Variants in ZFAND2A observed in about 807,000 individuals in gnomAD.
ZFAND2A encodes the protein AN1-type zinc finger protein 2A.
Under a neutral mutation model 11.6 loss-of-function variants are expected in ZFAND2A, and 20 were observed. The ratio of observed to expected loss-of-function variants is 1.72; its 90% CI spans 1.21 to 2.50. The LOEUF is 2.50. Among genes scored for constraint, ZFAND2A ranks in the 30% most tolerant of loss-of-function variants. The pLI is 0.00. For synonymous variants in ZFAND2A, 93 were observed against 60.6 expected, an observed-to-expected ratio of 1.54 and a Z score of -2.48; for missense variants, 234 against 182.9, an observed-to-expected ratio of 1.28 and a Z score of -1.61.
chr7:1,157,527 C>G (rs1793557643), intron 3 of ZFAND2A, 129 bp downstream of exon 3: 1 of 933,438 alleles, frequency 1.1e-6, no homozygotes, highest in South Asian at 1.6e-5. Context: ...GCTAGTGGGA[C>G]TGAAAAACTG....
downstream of ZFAND2A, among the ~76,000 whole-genome samples, chr7:1,152,613 GTCACGACTGTGGGA>G (rs989137128): frequency 1.3e-5 from 2 of 152,170 alleles, no homozygotes; most frequent in African/African-American, 4.8e-5. Context: ...CTTTTCAGAG[GTCACGACTGTGGGA>G]TCACATGACC....
chr7:1,150,043 G>C (rs936496696), downstream of ZFAND2A, among the ~76,000 whole-genome samples: 8 of 151,842 alleles, frequency 5.3e-5, no homozygotes, highest in African/African-American at 1.9e-4. Flanking sequence ...AGTAGGGACA[G>C]GGTTTCATCA....
chr7:1,156,125 TA>T, intron 3 of ZFAND2A, among the ~76,000 whole-genome samples: 1 of 119,330 alleles, frequency 8.4e-6, no homozygotes, highest in African/African-American at 4.3e-5. Flanking sequence ...CCAGCAAGGC[TA>T]AAAACCTGAG....
downstream of ZFAND2A, among the ~76,000 whole-genome samples, chr7:1,149,162 A>T (rs566288474): frequency 1.3e-5 from 2 of 152,310 alleles, no homozygotes; most frequent in African/African-American, 4.8e-5. Context: ...AAAAATTAAA[A>T]ACATTTTTTC....
downstream of ZFAND2A, among the ~76,000 whole-genome samples, chr7:1,149,841 G>C (rs1563157848): frequency 6.6e-6 from 1 of 150,788 alleles, no homozygotes; most frequent in Non-Finnish European, 1.5e-5. Flanking sequence ...AGGGTGACTA[G>C]CTTGTTCTTA....
At chr7:1,155,315 G>A in intron 4 of ZFAND2A, 138 bp downstream of exon 4, 1 of 1,228,844 alleles carries the variant, frequency 8.1e-7, no homozygotes, top group East Asian at 2.9e-5. Context: ...TTTAGGACAG[G>A]GATAACGCAG....
At position 1,153,058 on chromosome 7, in the gene ZFAND2A, G is replaced by A. The variant is rs371686813; in HGVS notation, c.*11C>T. ...ACTGCGTGCTCCGAGCCATCGCAGCGGAGTCTCTTCTCACCCAGCTTTGAT... is the reference window on the plus strand; with the variant it reads ...ACTGCGTGCTCCGAGCCATCGCAGCAGAGTCTCTTCTCACCCAGCTTTGAT... On this transcript the variant is annotated 3_prime_UTR_variant, in exon 5 of 5. Coordinates refer to ENST00000316495, the MANE Select transcript of ZFAND2A (RefSeq NM_182491.4). 57 of 1,614,104 alleles carry A rather than the reference G, an allele frequency of 3.5e-5. No homozygotes were observed. Among genetic ancestry groups the A allele is most frequent in the East Asian group, 2.5e-4 (11 of 44,890 alleles).
chr7:1,153,838 T>G (rs971870611), intron 4 of ZFAND2A, among the ~76,000 whole-genome samples: 9 of 151,880 alleles, frequency 5.9e-5, no homozygotes, highest in African/African-American at 2.2e-4. Flanking sequence ...CCCAGCTACT[T>G]GGGAGGCTGA....
chr7:1,157,863 T>G (rs1202256947), intron 2 of ZFAND2A, 113 bp from the exon 3 acceptor site: 49 of 779,670 alleles, frequency 6.3e-5, no homozygotes, highest in Non-Finnish European at 9.1e-5. Context: ...GATGGACAGG[T>G]CCTCGAGGGC....
chr7:1,158,391 T>TA (rs1793583632), intron 1 of ZFAND2A, 134 bp from the exon 2 acceptor site: 3 of 598,392 alleles, frequency 5.0e-6, no homozygotes, highest in Middle Eastern at 2.7e-4. Context: ...TTAGTACAAA[T>TA]ACCAGGTGTC....
downstream of ZFAND2A, among the ~76,000 whole-genome samples, chr7:1,150,367 C>T (rs1341214867): frequency 6.6e-6 from 1 of 151,558 alleles, no homozygotes; most frequent in Non-Finnish European, 1.5e-5. Flanking sequence ...ACTGTCTCAG[C>T]GGGACATCTG....
chr7:1,155,437 C>T lies in ZFAND2A; in HGVS notation c.282+16G>A, dbSNP rs781714777. 1.1e-5 allele frequency: 17 copies of T among 1,608,022 alleles called. No homozygotes were observed. Among genetic ancestry groups the T allele is most frequent in the South Asian group, 2.2e-5 (2 of 89,848 alleles). On this transcript the variant is annotated intron_variant, in intron 4 of 4. Coordinates refer to ENST00000316495, the MANE Select transcript of ZFAND2A (RefSeq NM_182491.4). ...GGCTTCCCAGATGAAGGAACTGAGG[C>T]GGGCTCTGTCCTTACCTTCTCTTTC...
At chr7:1,150,564 AG>A (rs1457991918), downstream of ZFAND2A, among the ~76,000 whole-genome samples, 1 of 152,232 alleles carries the variant, frequency 6.6e-6, no homozygotes, top group East Asian at 1.9e-4. Flanking sequence ...TCACAAAATC[AG>A]ACGGTGGTGG....
In ZFAND2A at chr7:1,156,615, C is replaced by T. The variant is rs115843158; in HGVS notation, c.151-1031G>A. Among the ~76,000 whole-genome samples the T allele has an allele frequency of 3.1e-4, 46 of 149,550 alleles. No individual in the cohort carries two copies. In the South Asian group the frequency reaches 6.7e-3, roughly 22 times the overall value. ...AAGGGGTGGACCGCCCAGCAGCTAA[C>T]GCCCAGCATGGCTAAAAACCTGAGC... On this transcript the variant is annotated intron_variant, in intron 3 of 4. Transcript: ENST00000316495.
At chr7:1,154,747 T>C (rs1793482345) in intron 4 of ZFAND2A, among the ~76,000 whole-genome samples, 1 of 152,202 alleles carries the variant, frequency 6.6e-6, no homozygotes, top group South Asian at 2.1e-4. Flanking sequence ...TTGAACATCA[T>C]ATACTAAGAT....
downstream of ZFAND2A, chr7:1,152,318 G>A: frequency 6.3e-7 from 1 of 1,580,164 alleles, no homozygotes; most frequent in African/African-American, 1.3e-5. Flanking sequence ...CAACGGCCTG[G>A]ATTCAGAGAC....
chr7:1,155,611 T>A, intron 3 of ZFAND2A, 27 bp from the exon 4 acceptor site: 1 of 1,608,400 alleles, frequency 6.2e-7, no homozygotes. Context: ...TAAGATGGCA[T>A]CTGAGACTCA....
At chr7:1,149,853 GTTT>G (rs11349429), downstream of ZFAND2A, among the ~76,000 whole-genome samples, 7 of 139,856 alleles carry the variant, frequency 5.0e-5, no homozygotes, top group East Asian at 2.1e-4. Context: ...TTGTTCTTAA[GTTT>G]TTTTTTTTTT....
chr7:1,158,777 G>C (rs187755506), intron 1 of ZFAND2A, among the ~76,000 whole-genome samples: 2 of 152,184 alleles, frequency 1.3e-5, no homozygotes, highest in Non-Finnish European at 2.9e-5. Context: ...AGCGCAAGCT[G>C]TTAAGTCACT....
Sources: allele counts gnomAD v4.1 joint callset (sites outside exome capture counted in the v4.1 genomes callset), GRCh38; gene constraint gnomAD v4.1.1; transcripts MANE v1.5; gene names NCBI Gene and HGNC (gene_info 2026-07-23, HGNC 2026-07-21).